Variants in KCNK2 observed in about 807,000 individuals in gnomAD.
The protein encoded by KCNK2 is potassium channel subfamily K member 2.
Under a neutral mutation model 40.5 loss-of-function variants are expected in KCNK2, and 21 were observed. The observed-to-expected ratio is 0.52, with a 90% CI of 0.37 to 0.75. The LOEUF (loss-of-function observed/expected upper bound fraction) is 0.75, where lower values mean the gene tolerates loss of function less well. Ranked by LOEUF, KCNK2 falls within the 30% of genes least tolerant of loss-of-function variation. The probability of loss-of-function intolerance (pLI) is 0.00; values close to 1 mark genes in which losing one functional copy is unlikely to be tolerated. For missense variants in KCNK2, 399 were observed against 531.6 expected (o/e 0.75, Z 2.45); for synonymous variants, 191 against 202.2 (o/e 0.94, Z 0.47).
intron 3 of KCNK2, among the ~76,000 whole-genome samples, chr1:215,138,803 G>A (rs187880855): frequency 6.6e-6 from 1 of 152,134 alleles, no homozygotes; most frequent in South Asian, 2.1e-4. Flanking sequence ...AAATCACTTC[G>A]CATACACTCT....
At position 215,168,885 on chromosome 1, in the gene KCNK2, A is replaced by G. The variant is rs533358355; in HGVS notation, c.476-314A>G. 2.6e-5 allele frequency among the ~76,000 whole-genome samples: 4 copies of G among 152,220 alleles called. No individual in the cohort carries two copies. The South Asian group carries it at 8.3e-4, about 32-fold the overall frequency. On this transcript the variant is annotated intron_variant, in intron 3 of 6. Transcript: ENST00000444842. ...AAGCAAAAAAAGAAAGAAAAAAGAA[A>G]TATTTAATGAAAATATGATTTTGAA...
intron 6 of KCNK2, among the ~76,000 whole-genome samples, chr1:215,206,604 C>G (rs547517761): frequency 2.6e-4 from 39 of 152,290 alleles, no homozygotes; most frequent in African/African-American, 9.1e-4. Context: ...TATTGCGTCT[C>G]AACTCCACAG....
At chr1:215,120,694 C>G (rs1311377376) in intron 2 of KCNK2, among the ~76,000 whole-genome samples, 3 of 152,122 alleles carry the variant, frequency 2.0e-5, no homozygotes, top group African/African-American at 7.2e-5. Context: ...ACAAGCAACT[C>G]TTTCAGATTT....
At chr1:215,175,094 G>C (rs1663898429) in intron 5 of KCNK2, among the ~76,000 whole-genome samples, 1 of 152,120 alleles carries the variant, frequency 6.6e-6, no homozygotes. Context: ...GTATGATATT[G>C]GCTGTGGGTT....
intron 1 of KCNK2, among the ~76,000 whole-genome samples, chr1:215,077,142 G>C (rs994279229): frequency 3.3e-5 from 5 of 152,152 alleles, no homozygotes; most frequent in African/African-American, 1.2e-4. Context: ...GAGAAGCTGA[G>C]AAATTCTGAC....
chr1:215,046,785 G>A (rs1349251556), intron 1 of KCNK2, among the ~76,000 whole-genome samples: 3 of 152,114 alleles, frequency 2.0e-5, no homozygotes, highest in African/African-American at 7.2e-5. Context: ...CATGGGATAT[G>A]AGTTTGAGCT....
intron 2 of KCNK2, among the ~76,000 whole-genome samples, chr1:215,119,701 G>A (rs558693824): frequency 6.0e-4 from 92 of 152,184 alleles, no homozygotes; most frequent in Non-Finnish European, 9.0e-4. Flanking sequence ...TTCCATCTTC[G>A]CTTATCTTAA....
At chr1:215,191,883 T>C (rs1664681636) in intron 5 of KCNK2, among the ~76,000 whole-genome samples, 1 of 152,012 alleles carries the variant, frequency 6.6e-6, no homozygotes, top group Non-Finnish European at 1.5e-5. Context: ...GTAGGCTGCA[T>C]CTCAGAAGTC....
chr1:215,088,568 A>G (rs1659556205), intron 2 of KCNK2, among the ~76,000 whole-genome samples: 1 of 142,398 alleles, frequency 7.0e-6, no homozygotes, highest in African/African-American at 2.9e-5. Flanking sequence ...TTGGTTGGAC[A>G]GGACAGGAAA....
chr1:215,219,760 C>T (rs1666099157), intron 6 of KCNK2, among the ~76,000 whole-genome samples: 1 of 152,152 alleles, frequency 6.6e-6, no homozygotes, highest in Admixed American at 6.5e-5. Flanking sequence ...TATGTGAATA[C>T]AGACTCATGG....
intron 5 of KCNK2, among the ~76,000 whole-genome samples, chr1:215,184,945 T>C (rs530920399): frequency 3.9e-5 from 6 of 152,204 alleles, no homozygotes; most frequent in African/African-American, 1.2e-4. Flanking sequence ...TTTGTGACCA[T>C]TGTATAAACC....
intron 3 of KCNK2, among the ~76,000 whole-genome samples, chr1:215,165,214 A>G (rs904082753): frequency 6.6e-6 from 1 of 152,186 alleles, no homozygotes; most frequent in Admixed American, 6.6e-5. Context: ...TTGAAGCATC[A>G]GAATAGGTCT....
chr1:215,078,593 C>A (rs887670199), upstream of KCNK2, among the ~76,000 whole-genome samples: 14 of 152,062 alleles, frequency 9.2e-5, no homozygotes, highest in Non-Finnish European at 1.6e-4. Flanking sequence ...GGGGAAACTG[C>A]CCCCATGATT....
chr1:215,061,779 A>C (rs1658370428), intron 1 of KCNK2, among the ~76,000 whole-genome samples: 1 of 152,116 alleles, frequency 6.6e-6, no homozygotes, highest in Non-Finnish European at 1.5e-5. Context: ...TCAGAATAAA[A>C]GATGATTGTC....
intron 6 of KCNK2, among the ~76,000 whole-genome samples, chr1:215,202,138 ACT>A (rs1466172790): frequency 2.0e-5 from 3 of 151,982 alleles, no homozygotes; most frequent in African/African-American, 4.8e-5. Flanking sequence ...TACACTTGTA[ACT>A]CTTCTTTGAC....
At chr1:215,077,884 G>A (rs12136349), upstream of KCNK2, among the ~76,000 whole-genome samples, 48,752 of 151,770 alleles carry the variant, frequency 0.32, 9,525 homozygotes, top group African/African-American at 0.55. Flanking sequence ...ACTTTACCTC[G>A]TGCCTTCTTC....
At chr1:215,024,740 C>T (rs1656933253) in intron 1 of KCNK2, among the ~76,000 whole-genome samples, 1 of 151,990 alleles carries the variant, frequency 6.6e-6, no homozygotes, top group South Asian at 2.1e-4. Flanking sequence ...AACTTTTATA[C>T]ACTGTGTAGG....
chr1:215,035,572 G>A lies in KCNK2; in HGVS notation c.34+29617G>A, dbSNP rs1657355640. ...CAAAATATACTTAAGGTTTATCCAC[G>A]TTGTTACACAAATCACCTGAGTAGT... On this transcript the variant is annotated intron_variant, in intron 1 of 6. Transcript: ENST00000391895. 2.6e-5 allele frequency among the ~76,000 whole-genome samples: 4 copies of A among 152,040 alleles called. No homozygotes were observed. In the South Asian group the frequency reaches 6.2e-4, roughly 24 times the overall value.
chr1:215,173,026 G>A lies in KCNK2; in HGVS notation c.823+843G>A, dbSNP rs917864428. ...AAGTTCTAGGGTACATGTGCACAAC[G>A]TGCAGGTTTGTTACACATGTGCCAT... On this transcript the variant is annotated intron_variant, in intron 5 of 6. Coordinates refer to ENST00000444842, the MANE Select transcript of KCNK2 (RefSeq NM_001017425.3). 1.8e-4 allele frequency among the ~76,000 whole-genome samples: 27 copies of A among 151,974 alleles called. No individual in the cohort carries two copies. In the East Asian group the frequency reaches 1.9e-3, roughly 11 times the overall value.
Sources: gnomAD v4.1 joint callset for allele counts (sites outside exome capture counted in the v4.1 genomes callset) on GRCh38, gnomAD v4.1.1 for gene constraint, MANE v1.5 for transcripts, NCBI Gene and HGNC (gene_info 2026-07-23, HGNC 2026-07-21) for gene names.